The following CATSPER3 variants were observed in gnomAD, a reference collection of about 807,000 sequenced individuals.
The protein encoded by CATSPER3 is cation channel sperm associated 3.
CATSPER3 carries 23 observed loss-of-function variants against 36.6 expected under a neutral mutation model. That is an observed-to-expected ratio of 0.63 (90% confidence interval 0.45 to 0.89). The LOEUF is 0.89. Among genes scored for constraint, CATSPER3 ranks in the 40% least tolerant of loss-of-function variants. CATSPER3 has a pLI of 0.00. For synonymous variants in CATSPER3, 172 were observed against 184.1 expected (o/e 0.93, Z 0.53); for missense variants, 474 against 503.9 (o/e 0.94, Z 0.57).
chr5:135,010,595 C>A, intron 7 of CATSPER3, 65 bp downstream of exon 7: 4 of 1,464,772 alleles, frequency 2.7e-6, no homozygotes, highest in Non-Finnish European at 3.8e-6. Context: ...GTGTCAGGTG[C>A]CCTGGGAGAG....
At chr5:134,983,203 T>C (rs1751769759) in intron 2 of CATSPER3, among the ~76,000 whole-genome samples, 1 of 152,246 alleles carries the variant, frequency 6.6e-6, no homozygotes, top group African/African-American at 2.4e-5. Context: ...GTGTGTCCTT[T>C]ATCTGTAATT....
chr5:134,984,941 C>T (rs1429454558), intron 2 of CATSPER3, among the ~76,000 whole-genome samples: 1 of 152,036 alleles, frequency 6.6e-6, no homozygotes, highest in Non-Finnish European at 1.5e-5. Flanking sequence ...GCCTCAGCTT[C>T]CCGAGTAGCT....
intron 2 of CATSPER3, among the ~76,000 whole-genome samples, chr5:134,992,740 A>G (rs972847063): frequency 1.3e-5 from 2 of 152,174 alleles, no homozygotes; most frequent in Non-Finnish European, 2.9e-5. Context: ...AACAAACAAC[A>G]ACAACAAATG....
chr5:134,972,115 G>A (rs1267531037), intron 2 of CATSPER3, among the ~76,000 whole-genome samples: 1 of 152,152 alleles, frequency 6.6e-6, no homozygotes, highest in Non-Finnish European at 1.5e-5. Flanking sequence ...TGAGCATCCC[G>A]AATTTGAAAA....
rs1423586839 is a variant in CATSPER3, at chr5:135,010,528, C to T, written c.1092C>T (p.His364=). The part of the protein sequence containing the change: ...STLDYQDTTV[H]KLQELYYEIV... ...TGGACTACCAGGACACAACTGTCCA[C>T]AAGTCAGTTCCAGCCCCAGCCTTCC... The change falls in exon 7 of 8, where the codon CAC becomes CAT. Residue 364 remains histidine (H), a splice_region_variant and synonymous_variant. Coordinates refer to ENST00000282611, the MANE Select transcript of CATSPER3 (RefSeq NM_178019.3). The T allele has an allele frequency of 6.2e-7, 1 of 1,614,048 alleles. No individual in the cohort carries two copies. Among genetic ancestry groups the T allele is most frequent in the East Asian group, 2.2e-5 (1 of 44,890 alleles).
intron 2 of CATSPER3, among the ~76,000 whole-genome samples, chr5:134,972,632 A>C (rs538508614): frequency 2.1e-4 from 32 of 152,192 alleles, no homozygotes; most frequent in African/African-American, 6.8e-4. Context: ...AATGATGAAC[A>C]TCGAAGATGG....
chr5:135,009,349 C>A, intron 5 of CATSPER3, 22 bp from the exon 6 acceptor site: 1 of 1,611,904 alleles, frequency 6.2e-7, no homozygotes, highest in Non-Finnish European at 8.5e-7. Flanking sequence ...CTGTAGTTGA[C>A]CTCCATCGTC....
chr5:134,983,678 C>G (rs911794249), intron 2 of CATSPER3, among the ~76,000 whole-genome samples: 2 of 152,046 alleles, frequency 1.3e-5, no homozygotes, highest in African/African-American at 4.8e-5. Context: ...AGAAACTGCT[C>G]TAAGAGAAAA....
At chr5:134,987,938 C>G (rs955699345) in intron 2 of CATSPER3, among the ~76,000 whole-genome samples, 2 of 152,118 alleles carry the variant, frequency 1.3e-5, no homozygotes, top group Non-Finnish European at 2.9e-5. Context: ...ACTGAAAGTT[C>G]TAGCCAGAGT....
intron 3 of CATSPER3, among the ~76,000 whole-genome samples, chr5:134,996,912 T>G (rs1751957688): frequency 6.6e-6 from 1 of 152,244 alleles, no homozygotes; most frequent in East Asian, 1.9e-4. Flanking sequence ...ACTAGCTGCT[T>G]TCCCCAAACA....
At chr5:135,009,028 A>T (rs747684662) in intron 5 of CATSPER3, 47 bp downstream of exon 5, 1 of 1,613,386 alleles carries the variant, frequency 6.2e-7, no homozygotes, top group Non-Finnish European at 8.5e-7. Flanking sequence ...GGTGTGGCAG[A>T]TGGAGCTGTA....
At chr5:134,996,197 C>T in intron 2 of CATSPER3, 76 bp from the exon 3 acceptor site, 1 of 1,601,100 alleles carries the variant, frequency 6.2e-7, no homozygotes, top group Non-Finnish European at 8.6e-7. Flanking sequence ...CCTTCCGGGG[C>T]TCACGCAGGG....
At chr5:135,010,591 G>A in intron 7 of CATSPER3, 61 bp downstream of exon 7, 1 of 1,483,432 alleles carries the variant, frequency 6.7e-7, no homozygotes, top group Non-Finnish European at 9.4e-7. Context: ...GGCTGTGTCA[G>A]GTGCCCTGGG....
Position 135,011,422 on chromosome 5 carries a change from C to T in CATSPER3, c.1095-99C>T, listed in dbSNP as rs542243295. On this transcript the variant is annotated intron_variant, in intron 7 of 7. Coordinates refer to ENST00000282611, the MANE Select transcript of CATSPER3 (RefSeq NM_178019.3). ...CTGAAGTCCTTGCTCTTCTTTGACC[C>T]TACACCTGTGCAGGTGCAAACGTGT... 7.7e-5 allele frequency: 63 copies of T among 823,398 alleles called. 1 individual carries two copies. The South Asian group carries it at 8.5e-4, about 11-fold the overall frequency. 51.0% of individuals were successfully genotyped at this position (823,398 alleles called of 1,614,324 possible). A position where few individuals can be genotyped will look rare whatever the true frequency, so the allele number is the denominator to read the frequency against.
intron 2 of CATSPER3, 105 bp downstream of exon 2, chr5:134,970,197 T>C (rs1337645350): frequency 4.2e-6 from 5 of 1,177,268 alleles, no homozygotes; most frequent in Non-Finnish European, 5.0e-6. Context: ...TCTCACTCTG[T>C]CAGGCTGGAG....
At chr5:134,980,660 A>G (rs1049193413) in intron 2 of CATSPER3, among the ~76,000 whole-genome samples, 15 of 151,108 alleles carry the variant, frequency 9.9e-5, no homozygotes, top group Admixed American at 3.3e-4. Flanking sequence ...CAATCTCCTG[A>G]CCTCATGATC....
intron 2 of CATSPER3, among the ~76,000 whole-genome samples, chr5:134,978,181 G>A (rs778461150): frequency 2.6e-5 from 4 of 152,166 alleles, no homozygotes; most frequent in Non-Finnish European, 5.9e-5. Context: ...AGGAGCAGAG[G>A]TTGGTTAATG....
chr5:134,994,421 C>T (rs1751919113), intron 2 of CATSPER3, among the ~76,000 whole-genome samples: 1 of 152,116 alleles, frequency 6.6e-6, no homozygotes, highest in South Asian at 2.1e-4. Context: ...AAAGTGTTAG[C>T]AAAGATGTAG....
intron 2 of CATSPER3, among the ~76,000 whole-genome samples, chr5:134,982,482 C>T (rs1333845317): frequency 6.6e-6 from 1 of 152,100 alleles, no homozygotes; most frequent in Admixed American, 6.6e-5. Flanking sequence ...CAAGAAACCT[C>T]AATAAGATTA....
Sources: allele counts gnomAD v4.1 joint callset (sites outside exome capture counted in the v4.1 genomes callset), GRCh38; gene constraint gnomAD v4.1.1; transcripts MANE v1.5; gene names NCBI Gene and HGNC (gene_info 2026-07-23, HGNC 2026-07-21).